The following STX18 variants were observed in gnomAD, a reference collection of about 807,000 sequenced individuals.
STX18 encodes syntaxin-18.
A neutral mutation model predicts 50.1 loss-of-function variants in STX18; 40 were observed. The ratio of observed to expected loss-of-function variants is 0.80; its 90% CI spans 0.62 to 1.04. The LOEUF (loss-of-function observed/expected upper bound fraction) is 1.04, where lower values mean the gene tolerates loss of function less well. Among genes scored for constraint, STX18 ranks in the 50% least tolerant of loss-of-function variants. STX18 has a pLI of 0.00. For missense variants in STX18, 410 were observed against 415.8 expected (o/e 0.99, Z 0.12); for synonymous variants, 158 against 151.8 (o/e 1.04, Z -0.30).
intron 1 of STX18, among the ~76,000 whole-genome samples, chr4:4,488,249 A>T (rs1728781943): frequency 6.6e-6 from 1 of 152,198 alleles, no homozygotes; most frequent in South Asian, 2.1e-4. Flanking sequence ...CCGAGGTTGA[A>T]CATAAGCACT....
At chr4:4,528,140 A>T (rs1730887957) in intron 1 of STX18, among the ~76,000 whole-genome samples, 1 of 152,090 alleles carries the variant, frequency 6.6e-6, no homozygotes, top group Non-Finnish European at 1.5e-5. Context: ...GCTTCTACCC[A>T]GTTCCCAAGC....
At chr4:4,459,552 G>T in intron 2 of STX18, 65 bp from the exon 3 acceptor site, 1 of 1,223,536 alleles carries the variant, frequency 8.2e-7, no homozygotes, top group Non-Finnish European at 1.2e-6. Context: ...TGAGTGGGAT[G>T]GGAAGAGAAG....
intron 3 of STX18, among the ~76,000 whole-genome samples, chr4:4,457,843 G>A (rs1413903395): frequency 6.6e-6 from 1 of 152,140 alleles, no homozygotes; most frequent in Non-Finnish European, 1.5e-5. Context: ...TTAAACAACT[G>A]AAATCACACA....
intron 1 of STX18, among the ~76,000 whole-genome samples, chr4:4,513,570 T>C (rs1258510958): frequency 6.6e-6 from 1 of 152,188 alleles, no homozygotes; most frequent in Non-Finnish European, 1.5e-5. Context: ...CATTCCCCGG[T>C]GAGCAACATA....
At chr4:4,509,340 G>T (rs547859216) in intron 1 of STX18, among the ~76,000 whole-genome samples, 162 of 151,868 alleles carry the variant, frequency 1.1e-3, no homozygotes, top group Non-Finnish European at 2.1e-3. Context: ...TCATATGTTT[G>T]CTGGCTGCAT....
At chr4:4,537,117 GC>G (rs903924725) in intron 1 of STX18, among the ~76,000 whole-genome samples, 2 of 152,176 alleles carry the variant, frequency 1.3e-5, no homozygotes, top group South Asian at 2.1e-4. Flanking sequence ...CTGTGTGGTA[GC>G]CCCCCCTGGC....
chr4:4,436,318 AG>A (rs1278940047), intron 6 of STX18, among the ~76,000 whole-genome samples: 1 of 152,202 alleles, frequency 6.6e-6, no homozygotes, highest in African/African-American at 2.4e-5. Flanking sequence ...TGTTTGTAAA[AG>A]GTTGGCTAAA....
At chr4:4,438,775 T>C (rs1186283979) in intron 5 of STX18, among the ~76,000 whole-genome samples, 1 of 151,914 alleles carries the variant, frequency 6.6e-6, no homozygotes, top group Non-Finnish European at 1.5e-5. Flanking sequence ...GAGGCTGCAG[T>C]TGGTATGTGC....
At chr4:4,491,731 A>G (rs1728950847) in intron 1 of STX18, among the ~76,000 whole-genome samples, 2 of 152,136 alleles carry the variant, frequency 1.3e-5, no homozygotes, top group Admixed American at 1.3e-4. Context: ...ACCTAATTCT[A>G]AAGACTGAAA....
At chr4:4,469,728 C>T (rs1258207894) in intron 2 of STX18, among the ~76,000 whole-genome samples, 1 of 152,066 alleles carries the variant, frequency 6.6e-6, no homozygotes, top group African/African-American at 2.4e-5. Flanking sequence ...TCATGATTCC[C>T]AGCTATTTTT....
chr4:4,482,638 G>C (rs781110297), intron 1 of STX18, among the ~76,000 whole-genome samples: 12 of 152,190 alleles, frequency 7.9e-5, no homozygotes, highest in Admixed American at 2.0e-4. Flanking sequence ...CTGCGTGCCA[G>C]ACCACAGAGC....
chr4:4,530,085 T>C (rs1471612393), intron 1 of STX18, among the ~76,000 whole-genome samples: 1 of 152,212 alleles, frequency 6.6e-6, no homozygotes, highest in Non-Finnish European at 1.5e-5. Flanking sequence ...TCAAAAGCTA[T>C]TAATTCTCCA....
At chr4:4,487,402 C>T (rs1050191054) in intron 1 of STX18, among the ~76,000 whole-genome samples, 2 of 152,150 alleles carry the variant, frequency 1.3e-5, no homozygotes, top group South Asian at 2.1e-4. Context: ...TCCTATGTGT[C>T]GGACACCATG....
At chr4:4,534,435 C>T (rs1731241956) in intron 1 of STX18, among the ~76,000 whole-genome samples, 1 of 152,214 alleles carries the variant, frequency 6.6e-6, no homozygotes, top group African/African-American at 2.4e-5. Flanking sequence ...TCTATTTCCA[C>T]TAATTAGTTA....
At chr4:4,438,371 G>T in intron 6 of STX18, 23 bp downstream of exon 6, 1 of 1,555,388 alleles carries the variant, frequency 6.4e-7, no homozygotes, top group Non-Finnish European at 8.9e-7. Context: ...AATGCAAGGT[G>T]AGATTTTCAT....
rs1560194003 is a variant in STX18, at chr4:4,496,934, GC to G, written c.169-25229del. 7.9e-5 allele frequency among the ~76,000 whole-genome samples: 12 copies of G among 152,312 alleles called. No individual in the cohort carries two copies. In the East Asian group the frequency reaches 2.3e-3, roughly 29 times the overall value. On this transcript the variant is annotated intron_variant, in intron 1 of 10. Transcript: ENST00000306200. ...GAGGTGGGGAGAACTCCTTCATAAG[GC>G]CAGGACAAACTAGCCTGCATCTAAA...
At chr4:4,517,710 A>G (rs1418168661) in intron 1 of STX18, among the ~76,000 whole-genome samples, 1 of 152,164 alleles carries the variant, frequency 6.6e-6, no homozygotes, top group East Asian at 1.9e-4. Context: ...TTTTACAGAG[A>G]CAAATGTTCA....
At chr4:4,460,410 G>A (rs1727319546) in intron 2 of STX18, among the ~76,000 whole-genome samples, 1 of 151,690 alleles carries the variant, frequency 6.6e-6, no homozygotes. Flanking sequence ...CCCCAAGACA[G>A]GTAGGCATCC....
At chr4:4,498,680 G>C (rs902931386) in intron 1 of STX18, among the ~76,000 whole-genome samples, 1 of 152,084 alleles carries the variant, frequency 6.6e-6, no homozygotes, top group African/African-American at 2.4e-5. Context: ...ATACAAAATA[G>C]GCAGTCAGGA....
Sources: gnomAD v4.1 joint callset for allele counts (sites outside exome capture counted in the v4.1 genomes callset) on GRCh38, gnomAD v4.1.1 for gene constraint, MANE v1.5 for transcripts, NCBI Gene and HGNC (gene_info 2026-07-23, HGNC 2026-07-21) for gene names.